ZFAND3: variants seen among roughly 807,000 people sequenced by gnomAD.
ZFAND3 encodes the protein zinc finger AN1-type containing 3.
ZFAND3 carries 10 observed loss-of-function variants against 29.6 expected under a neutral mutation model. The observed-to-expected ratio is 0.34, with a 90% CI of 0.21 to 0.57. The LOEUF (loss-of-function observed/expected upper bound fraction) is 0.57, where lower values mean the gene tolerates loss of function less well. ZFAND3 is among the 20% of genes least tolerant of loss of function. The pLI is 0.86. For synonymous variants in ZFAND3, 128 were observed against 112.6 expected, an observed-to-expected ratio of 1.14 and a Z score of -0.87; for missense variants, 230 against 304.5, an observed-to-expected ratio of 0.76 and a Z score of 1.82.
chr6:37,885,382 G>A (rs561002462), intron 1 of ZFAND3, among the ~76,000 whole-genome samples: 11 of 152,300 alleles, frequency 7.2e-5, no homozygotes, highest in Non-Finnish European at 1.3e-4. Context: ...GGTGGCTCAC[G>A]TCTGTAATCC....
chr6:38,009,265 G>A (rs1240798757), intron 2 of ZFAND3, among the ~76,000 whole-genome samples: 1 of 152,144 alleles, frequency 6.6e-6, no homozygotes, highest in Non-Finnish European at 1.5e-5. Flanking sequence ...GTACTGTTTT[G>A]TGGAAGGGGA....
chr6:37,876,592 T>G (rs1451277183), intron 1 of ZFAND3, among the ~76,000 whole-genome samples: 1 of 152,200 alleles, frequency 6.6e-6, no homozygotes, highest in Non-Finnish European at 1.5e-5. Flanking sequence ...GTTGAAATGA[T>G]CAGAGGTAAT....
intron 2 of ZFAND3, among the ~76,000 whole-genome samples, chr6:37,970,600 TA>T (rs1403138547): frequency 6.6e-6 from 1 of 152,074 alleles, no homozygotes; most frequent in Non-Finnish European, 1.5e-5. Context: ...CCCGTGATTT[TA>T]AAAAACACTT....
rs1561976811 is a variant in ZFAND3, at chr6:38,041,687, CCTTCTCCTT to C, written c.113-19903_113-19895del. On this transcript the variant is annotated intron_variant, in intron 2 of 5. Coordinates refer to ENST00000287218, the MANE Select transcript of ZFAND3 (RefSeq NM_021943.3). ...TTCTTCTTCTTCTTCTTCTTCTTCT[CCTTCTCCTT>C]CTCCTCCTCCTCCTCCTCCTCCTCC... 7.0e-4 allele frequency among the ~76,000 whole-genome samples: 12 copies of C among 17,234 alleles called. 2 individuals carry two copies. Among genetic ancestry groups the C allele is most frequent in the African/African-American group, 2.2e-3 (10 of 4,478 alleles). The allele number at this position is 17,234 out of a possible 152,430, so 11.3% of individuals were successfully genotyped here.
chr6:38,020,771 G>A (rs1466236033), intron 2 of ZFAND3, among the ~76,000 whole-genome samples: 3 of 152,122 alleles, frequency 2.0e-5, no homozygotes, highest in Non-Finnish European at 4.4e-5. Context: ...GATGACCGTG[G>A]TGTTTGTGTA....
chr6:37,881,456 A>G (rs1308968994), intron 1 of ZFAND3, among the ~76,000 whole-genome samples: 1 of 152,132 alleles, frequency 6.6e-6, no homozygotes, highest in Non-Finnish European at 1.5e-5. Context: ...AATGCCAGAG[A>G]TCTGGATTTG....
chr6:37,851,044 CTT>C (rs574230972), intron 1 of ZFAND3, among the ~76,000 whole-genome samples: 3 of 142,512 alleles, frequency 2.1e-5, no homozygotes, highest in Non-Finnish European at 3.1e-5. Flanking sequence ...CCTCTTGCCT[CTT>C]TTTTTTTTTT....
intron 1 of ZFAND3, among the ~76,000 whole-genome samples, chr6:37,886,721 G>A (rs1332276136): frequency 2.6e-5 from 4 of 152,194 alleles, no homozygotes; most frequent in Middle Eastern, 3.2e-3. Context: ...TTGTCTGGAC[G>A]TGGTGGTTCA....
At chr6:38,071,714 C>G (rs1269924606) in intron 3 of ZFAND3, among the ~76,000 whole-genome samples, 5 of 152,046 alleles carry the variant, frequency 3.3e-5, no homozygotes, top group African/African-American at 4.8e-5. Context: ...AAACCTTCTT[C>G]TATGTTCTTG....
intron 2 of ZFAND3, among the ~76,000 whole-genome samples, chr6:38,059,335 G>T (rs146053890): frequency 6.6e-6 from 1 of 152,008 alleles, no homozygotes; most frequent in Non-Finnish European, 1.5e-5. Flanking sequence ...TTTTATATAA[G>T]TATTATTATA....
chr6:38,152,181 G>A (rs1280006940), intron 5 of ZFAND3, 54 bp from the exon 6 acceptor site: 18 of 1,441,408 alleles, frequency 1.2e-5, no homozygotes, highest in African/African-American at 1.0e-4. Flanking sequence ...GAGGCTCTGC[G>A]CACTTGGAGG....
intron 2 of ZFAND3, among the ~76,000 whole-genome samples, chr6:37,934,838 CAAAAAAA>C (rs61670894): frequency 3.3e-4 from 23 of 70,640 alleles, no homozygotes; most frequent in African/African-American, 1.3e-3. Flanking sequence ...GACTCTGTCT[CAAAAAAA>C]AAAAAAAAAA....
intron 2 of ZFAND3, among the ~76,000 whole-genome samples, chr6:38,006,711 G>A (rs1048826580): frequency 1.5e-4 from 22 of 146,774 alleles, no homozygotes; most frequent in East Asian, 2.0e-4. Context: ...TTGGAGGGAC[G>A]AAGAAATGGT....
rs1458495637 is a variant in ZFAND3 at position 38,153,851 on chromosome 6, C to T, written c.*1462C>T. ...GGGCAGGAGGCCCCTGCGGAGGCAG[C>T]GTGGATCTGCCCACACATAGGCTAC... On this transcript the variant is annotated 3_prime_UTR_variant, in exon 6 of 6. Coordinates refer to ENST00000287218, the MANE Select transcript of ZFAND3 (RefSeq NM_021943.3). 7.1e-6 allele frequency: 7 copies of T among 985,522 alleles called. No homozygotes were observed. The highest frequency in any genetic ancestry group is 1.7e-5 in the African/African-American group (1 of 57,366). The allele number at this position is 985,522 out of a possible 1,614,324, so 61.0% of individuals were successfully genotyped here.
intron 5 of ZFAND3, among the ~76,000 whole-genome samples, chr6:38,118,589 A>G (rs1334170182): frequency 2.0e-5 from 3 of 150,484 alleles, no homozygotes; most frequent in East Asian, 1.9e-4. Context: ...TGGTCTATCA[A>G]GTATGCTGTC....
intron 2 of ZFAND3, among the ~76,000 whole-genome samples, chr6:38,002,378 G>A (rs550040509): frequency 6.6e-6 from 1 of 150,804 alleles, no homozygotes; most frequent in East Asian, 1.9e-4. Flanking sequence ...AAAATATGTG[G>A]TTACAACACG....
chr6:38,116,244 TAC>T (rs1471855327), intron 4 of ZFAND3, among the ~76,000 whole-genome samples: 1 of 152,162 alleles, frequency 6.6e-6, no homozygotes, highest in Admixed American at 6.5e-5. Context: ...AGCAAGGGAA[TAC>T]AAAGACAGGA....
In ZFAND3 at chr6:38,142,161, C is replaced by G. The variant is rs1161452933; in HGVS notation, c.530-10074C>G. 6.2e-5 allele frequency: 29 copies of G among 470,734 alleles called. 1 individual carries two copies. Among genetic ancestry groups the G allele is most frequent in the South Asian group, 4.0e-4 (26 of 64,510 alleles). 29.2% of individuals were successfully genotyped at this position (470,734 alleles called of 1,614,324 possible). ...GTTGAAACTAAGTTACAGGTCTCTC[C>G]CTACCCCAGTTTCTCATCTTCATAC... On this transcript the variant is annotated intron_variant, in intron 5 of 5. Coordinates refer to ENST00000287218, the MANE Select transcript of ZFAND3 (RefSeq NM_021943.3).
intron 1 of ZFAND3, among the ~76,000 whole-genome samples, chr6:37,864,724 T>C (rs1487905366): frequency 7.0e-6 from 1 of 143,620 alleles, no homozygotes; most frequent in East Asian, 2.0e-4. Flanking sequence ...TATGTATGTT[T>C]ATATATGTGG....
Sources: gnomAD v4.1 joint callset for allele counts (sites outside exome capture counted in the v4.1 genomes callset) on GRCh38, gnomAD v4.1.1 for gene constraint, MANE v1.5 for transcripts, NCBI Gene and HGNC (gene_info 2026-07-23, HGNC 2026-07-21) for gene names.